MAGI2: variants seen among roughly 807,000 people sequenced by gnomAD.
The protein encoded by MAGI2 is membrane-associated guanylate kinase, WW and PDZ domain-containing protein 2.
In MAGI2, 35 loss-of-function variants were observed where a neutral mutation model predicts 133.3. The observed-to-expected ratio is 0.26, with a 90% CI of 0.20 to 0.35. MAGI2 has a LOEUF of 0.35. Among genes scored for constraint, MAGI2 ranks in the 10% least tolerant of loss-of-function variants. The probability of loss-of-function intolerance (pLI) is 1.00; values close to 1 mark genes in which losing one functional copy is unlikely to be tolerated. For synonymous variants in MAGI2, 729 were observed against 710.6 expected (o/e 1.03, Z -0.41); for missense variants, 1,636 against 1,863.4 (o/e 0.88, Z 2.25).
At chr7:78,393,155 G>A (rs1562935258) in intron 6 of MAGI2, among the ~76,000 whole-genome samples, 1 of 152,140 alleles carries the variant, frequency 6.6e-6, no homozygotes, top group Non-Finnish European at 1.5e-5. Flanking sequence ...ATGCTCCACA[G>A]CACAAGTCGT....
Position 78,219,448 on chromosome 7 carries a change from T to C in MAGI2, c.2048-18255A>G, listed in dbSNP as rs1788588650. On this transcript the variant is annotated intron_variant, in intron 10 of 21. Coordinates refer to ENST00000354212, the MANE Select transcript of MAGI2 (RefSeq NM_012301.4). ...ATCTGCTACACCTGCTTCCTCCATC[T>C]GCACCCACTTTTCTCTTCTCACTGA... is the stretch of plus-strand genomic sequence containing the variant. Among the ~76,000 whole-genome samples, 3 of 152,214 alleles carry C rather than the reference T, an allele frequency of 2.0e-5. No individual in the cohort carries two copies. In the South Asian group the frequency reaches 6.2e-4, roughly 32 times the overall value.
chr7:78,706,783 G>A (rs1280472653), intron 2 of MAGI2, among the ~76,000 whole-genome samples: 1 of 152,078 alleles, frequency 6.6e-6, no homozygotes, highest in Admixed American at 6.6e-5. Flanking sequence ...CTGAAACAAT[G>A]CATAGGACTG....
At chr7:78,422,111 T>C (rs1798855752) in intron 6 of MAGI2, among the ~76,000 whole-genome samples, 1 of 152,154 alleles carries the variant, frequency 6.6e-6, no homozygotes, top group Non-Finnish European at 1.5e-5. Context: ...TTTAAAGCTC[T>C]AACAGAACTG....
intron 2 of MAGI2, among the ~76,000 whole-genome samples, chr7:78,912,886 T>C (rs553234345): frequency 4.0e-5 from 6 of 151,200 alleles, no homozygotes; most frequent in African/African-American, 1.2e-4. Context: ...TCTGTCCCTC[T>C]GGTGAACCCT....
chr7:78,570,364 A>T (rs1801379128), intron 3 of MAGI2, among the ~76,000 whole-genome samples: 1 of 152,212 alleles, frequency 6.6e-6, no homozygotes, highest in Non-Finnish European at 1.5e-5. Flanking sequence ...ATCTAGACAG[A>T]CCAGGGTTCC....
chr7:78,858,616 T>C (rs538549647), intron 2 of MAGI2, among the ~76,000 whole-genome samples: 7 of 152,028 alleles, frequency 4.6e-5, no homozygotes, highest in African/African-American at 1.7e-4. Context: ...GGTCTGAGAG[T>C]CAGTTTGTTA....
At chr7:78,742,912 CCCATGTGGTCAGA>C (rs1163889428) in intron 2 of MAGI2, among the ~76,000 whole-genome samples, 1 of 152,146 alleles carries the variant, frequency 6.6e-6, no homozygotes, top group Non-Finnish European at 1.5e-5. Flanking sequence ...ACCAAACTAA[CCCATGTGGTCAGA>C]CCACATGGAG....
chr7:79,331,968 AT>A (rs1456991755), intron 1 of MAGI2, among the ~76,000 whole-genome samples: 13 of 152,006 alleles, frequency 8.6e-5, no homozygotes, highest in African/African-American at 3.1e-4. Context: ...GGAAAAAAAA[AT>A]TCCTTTTCTC....
intron 2 of MAGI2, among the ~76,000 whole-genome samples, chr7:78,726,998 G>C (rs1820884094): frequency 6.6e-6 from 1 of 151,152 alleles, no homozygotes; most frequent in Non-Finnish European, 1.5e-5. Flanking sequence ...CACAGTCCTT[G>C]AGACACCTGA....
intron 1 of MAGI2, among the ~76,000 whole-genome samples, chr7:79,418,248 G>C: frequency 6.6e-6 from 1 of 151,982 alleles, no homozygotes; most frequent in East Asian, 1.9e-4. Context: ...TAGATAATAA[G>C]ATATTAAGGG....
chr7:79,349,685 C>A (rs1841564457), intron 1 of MAGI2, among the ~76,000 whole-genome samples: 1 of 152,006 alleles, frequency 6.6e-6, no homozygotes, highest in African/African-American at 2.4e-5. Context: ...ATAATCTGTG[C>A]TCTTAACTGC....
intron 2 of MAGI2, chr7:78,901,475 T>C (rs1797616878): frequency 6.6e-6 from 1 of 152,176 alleles, no homozygotes; most frequent in South Asian, 2.1e-4. Context: ...TATATCATCA[T>C]TGTTAATAAG....
chr7:78,343,697 A>G (rs1790619560), intron 9 of MAGI2, 81 bp downstream of exon 9: 1 of 1,131,294 alleles, frequency 8.8e-7, no homozygotes, highest in African/African-American at 1.6e-5. Context: ...TTTTGAATAA[A>G]AACACAAAAG....
intron 9 of MAGI2, among the ~76,000 whole-genome samples, chr7:78,302,099 T>C (rs1445684035): frequency 1.3e-5 from 2 of 152,212 alleles, no homozygotes; most frequent in Non-Finnish European, 2.9e-5. Flanking sequence ...ATTTTGATCA[T>C]TATTGTATTT....
chr7:78,538,638 T>G (rs56044752), intron 3 of MAGI2, among the ~76,000 whole-genome samples: 10,139 of 152,282 alleles, frequency 0.067, 412 homozygotes, highest in Non-Finnish European at 0.098. Context: ...GATTTGTTTC[T>G]CACCTTGGTT....
At position 78,019,175 on chromosome 7, in the gene MAGI2, G is replaced by A; in HGVS notation, c.*140C>T. 1.0e-6 allele frequency: 1 copy of A among 985,546 alleles called. No individual in the cohort carries two copies. The highest frequency in any genetic ancestry group is 1.5e-5 in the South Asian group (1 of 66,862). The allele number at this position is 985,546 out of a possible 1,614,324, so 61.1% of individuals were successfully genotyped here. On this transcript the variant is annotated 3_prime_UTR_variant, in exon 22 of 22. Transcript: ENST00000354212. ...CCGCCCAAGCACACCGGACACGTGG[G>A]ACTTCACGTCGATGCTCCCAGGCCT...
rs79791401 is a variant in MAGI2 at position 78,585,369 on chromosome 7, C to G, written c.538+41751G>C. 7.6e-3 allele frequency among the ~76,000 whole-genome samples: 1,163 copies of G among 152,248 alleles called. 11 individuals carry two copies. The highest frequency in any genetic ancestry group is 0.026 in the African/African-American group (1,100 of 41,530). Reference sequence around the variant, plus strand: ...TTTTTCTCTTCCAAATAGGCACTGACCATCATACTCAGGTATCTGAAGGTT... The same window carrying G: ...TTTTTCTCTTCCAAATAGGCACTGAGCATCATACTCAGGTATCTGAAGGTT... On this transcript the variant is annotated intron_variant, in intron 3 of 21. Transcript: ENST00000354212.
At chr7:78,403,261 T>C (rs1175599002) in intron 6 of MAGI2, among the ~76,000 whole-genome samples, 1 of 152,214 alleles carries the variant, frequency 6.6e-6, no homozygotes, top group Non-Finnish European at 1.5e-5. Flanking sequence ...TTTGGTTTTC[T>C]GTCCTTGCGA....
At chr7:78,828,193 CT>C (rs1434502107) in intron 2 of MAGI2, among the ~76,000 whole-genome samples, 2 of 152,162 alleles carry the variant, frequency 1.3e-5, no homozygotes, top group African/African-American at 4.8e-5. Context: ...CCTTCCCCGC[CT>C]CTTAAATGAG....
Sources: gnomAD v4.1 joint callset for allele counts (sites outside exome capture counted in the v4.1 genomes callset) on GRCh38, gnomAD v4.1.1 for gene constraint, MANE v1.5 for transcripts, NCBI Gene and HGNC (gene_info 2026-07-23, HGNC 2026-07-21) for gene names.